Variants in DERA observed in about 807,000 individuals in gnomAD.
DERA encodes 2-deoxy-D-ribose 5-phosphate aldolase.
In DERA, 15 loss-of-function variants were observed where a neutral mutation model predicts 41.1. The ratio of observed to expected loss-of-function variants is 0.37; its 90% CI spans 0.24 to 0.56. The LOEUF (loss-of-function observed/expected upper bound fraction) is 0.56, where lower values mean the gene tolerates loss of function less well. Among genes scored for constraint, DERA ranks in the 20% least tolerant of loss-of-function variants. DERA has a pLI of 0.81. For missense variants in DERA, 396 were observed against 403.4 expected (o/e 0.98, Z 0.16); for synonymous variants, 139 against 137.4 (o/e 1.01, Z -0.08).
Position 15,925,453 on chromosome 12 carries a change from G to A in DERA, c.31+14039G>A, listed in dbSNP as rs1002834869. Among the ~76,000 whole-genome samples the A allele has an allele frequency of 5.3e-5, 8 of 151,770 alleles. No individual in the cohort carries two copies. The South Asian group carries it at 6.2e-4, about 12-fold the overall frequency. On this transcript the variant is annotated intron_variant, in intron 1 of 8. Coordinates refer to ENST00000428559, the MANE Select transcript of DERA (RefSeq NM_015954.4). ...TACCTATCTGTAAACTTTGGAGAAC[G>A]AATCAATGTGGCAGCTTTACTCTTT...
chr12:15,970,111 G>A lies in DERA; in HGVS notation c.508+7164G>A, dbSNP rs1259843781. Among the ~76,000 whole-genome samples the A allele has an allele frequency of 6.6e-6, 1 of 152,158 alleles. No individual in the cohort carries two copies. Among genetic ancestry groups the A allele is most frequent in the Non-Finnish European group, 1.5e-5 (1 of 68,008 alleles). Reference sequence around the variant, plus strand: ...ATTAGTTGCTTTGGTGGATGAAACTGTGTTCTTGAACATTTTGTGACTTTT... The same window carrying A: ...ATTAGTTGCTTTGGTGGATGAAACTATGTTCTTGAACATTTTGTGACTTTT... On this transcript the variant is annotated intron_variant, in intron 5 of 8. Coordinates refer to ENST00000428559, the MANE Select transcript of DERA (RefSeq NM_015954.4). This position sits in a 1 kb window ranked among gnomAD's most constrained non-coding sequence, Gnocchi z 4.3.
At chr12:15,997,335 C>A (rs1408581025) in intron 6 of DERA, among the ~76,000 whole-genome samples, 4 of 151,864 alleles carry the variant, frequency 2.6e-5, no homozygotes, top group Non-Finnish European at 4.4e-5. Context: ...TATTTGCAGG[C>A]TTCTAGGATT....
At chr12:15,926,886 T>C (rs1948290624) in intron 1 of DERA, among the ~76,000 whole-genome samples, 1 of 152,222 alleles carries the variant, frequency 6.6e-6, no homozygotes, top group African/African-American at 2.4e-5. Context: ...CCGTTATATG[T>C]AACGAATTAA....
Position 15,982,251 on chromosome 12 carries a change from C to T in DERA, c.509-57C>T, listed in dbSNP as rs900413398. The T allele has an allele frequency of 1.9e-6, 3 of 1,553,238 alleles. No individual in the cohort carries two copies. The African/African-American group carries it at 4.1e-5, about 21-fold the overall frequency. On this transcript the variant is annotated intron_variant, in intron 5 of 8. Coordinates refer to ENST00000428559, the MANE Select transcript of DERA (RefSeq NM_015954.4). The surrounding 1 kb of genome is among the most constrained non-coding windows in gnomAD (Gnocchi z 4.0). ...GGGTTCCACCAGCTCTAAACGGCTGCCAAGTTATGTTATCACTTGCCTGCT... is the reference window on the plus strand; with the variant it reads ...GGGTTCCACCAGCTCTAAACGGCTGTCAAGTTATGTTATCACTTGCCTGCT...
intron 1 of DERA, among the ~76,000 whole-genome samples, chr12:15,916,513 C>G (rs1385433023): frequency 6.7e-6 from 1 of 148,650 alleles, no homozygotes; most frequent in African/African-American, 2.5e-5. Flanking sequence ...TGCAGTGGCG[C>G]CATCTCGGCT....
chr12:16,020,301 C>T lies in DERA; in HGVS notation c.638-12241C>T, dbSNP rs974924162. ...GGAAGAAGAGAGAGGAGGGGAGGTG[C>T]TACACACTTTTAAACCACCAGATCT... On this transcript the variant is annotated intron_variant, in intron 6 of 8. Coordinates refer to ENST00000428559, the MANE Select transcript of DERA (RefSeq NM_015954.4). This position sits in a 1 kb window ranked among gnomAD's most constrained non-coding sequence, Gnocchi z 5.5. Among the ~76,000 whole-genome samples, 1 of 152,080 alleles carries T rather than the reference C, an allele frequency of 6.6e-6. No individual in the cohort carries two copies. The highest frequency in any genetic ancestry group is 1.5e-5 in the Non-Finnish European group (1 of 68,006).
intron 6 of DERA, among the ~76,000 whole-genome samples, chr12:16,029,656 G>A (rs1949077490): frequency 6.6e-6 from 1 of 151,982 alleles, no homozygotes; most frequent in African/African-American, 2.4e-5. Context: ...ATACAGAAGA[G>A]TATAAGAAAG....
Position 15,995,294 on chromosome 12 carries a change from A to G in DERA, c.637+12858A>G, listed in dbSNP as rs915147485. 6.6e-6 allele frequency among the ~76,000 whole-genome samples: 1 copy of G among 152,148 alleles called. No individual in the cohort carries two copies. The highest frequency in any genetic ancestry group is 1.5e-5 in the Non-Finnish European group (1 of 68,028). ...AATTTATAGGAGTTGGTGAACATGA[A>G]ATCAATATAAAAGAGAAAAATGACA... On this transcript the variant is annotated intron_variant, in intron 6 of 8. Coordinates refer to ENST00000428559, the MANE Select transcript of DERA (RefSeq NM_015954.4). The surrounding 1 kb of genome is among the most constrained non-coding windows in gnomAD (Gnocchi z 5.1).
At chr12:16,016,136 C>G (rs1159249513) in intron 6 of DERA, among the ~76,000 whole-genome samples, 2 of 152,120 alleles carry the variant, frequency 1.3e-5, no homozygotes, top group African/African-American at 4.8e-5. Flanking sequence ...GTATTAGTAT[C>G]AAATTGATAT....
In DERA at chr12:15,928,744, A is replaced by G. The variant is rs936891395; in HGVS notation, c.31+17330A>G. On this transcript the variant is annotated intron_variant, in intron 1 of 8. Coordinates refer to ENST00000428559, the MANE Select transcript of DERA (RefSeq NM_015954.4). This position sits in a 1 kb window ranked among gnomAD's most constrained non-coding sequence, Gnocchi z 4.6. ...AGTGTGAAAGCCTATTGGTGTAAAT[A>G]GCTTTTTCCTGGGAAAGGTAAGTTT... Among the ~76,000 whole-genome samples the G allele has an allele frequency of 5.7e-4, 87 of 152,234 alleles. 1 individual carries two copies. Among genetic ancestry groups the G allele is most frequent in the Admixed American group, 1.3e-4 (2 of 15,286 alleles).
At position 15,983,705 on chromosome 12, in the gene DERA, G is replaced by T. The variant is rs937101057; in HGVS notation, c.637+1269G>T. On this transcript the variant is annotated intron_variant, in intron 6 of 8. Coordinates refer to ENST00000428559, the MANE Select transcript of DERA (RefSeq NM_015954.4). The surrounding 1 kb of genome is among the most constrained non-coding windows in gnomAD (Gnocchi z 6.2). ...CTGGTTTCTCTGGTCTTGAATCTGG[G>T]CCAGCCATATTCTTGTGTACTTCTT... 6.6e-6 allele frequency among the ~76,000 whole-genome samples: 1 copy of T among 152,088 alleles called. No individual in the cohort carries two copies. Among genetic ancestry groups the T allele is most frequent in the Non-Finnish European group, 1.5e-5 (1 of 68,002 alleles).
rs1411928211 is a variant in DERA at position 15,992,571 on chromosome 12, A to G, written c.637+10135A>G. On this transcript the variant is annotated intron_variant, in intron 6 of 8. Coordinates refer to ENST00000428559, the MANE Select transcript of DERA (RefSeq NM_015954.4). This position sits in a 1 kb window ranked among gnomAD's most constrained non-coding sequence, Gnocchi z 4.3. ...TAAGGGAAGTACAAATACAGGAGGA[A>G]CTAAAGTAGGAGCAAACAATTTGAA... 6.6e-6 allele frequency among the ~76,000 whole-genome samples: 1 copy of G among 152,156 alleles called. No homozygotes were observed. Among genetic ancestry groups the G allele is most frequent in the African/African-American group, 2.4e-5 (1 of 41,436 alleles).
rs866605532 is a variant in DERA, at chr12:15,980,998, C to G, written c.509-1310C>G. On this transcript the variant is annotated intron_variant, in intron 5 of 8. Transcript: ENST00000428559. ...ATTTTAGCTTTAAGAAATGCTTACC[C>G]CAACCCTTATTATGAATGTTTCCCT... Among the ~76,000 whole-genome samples, 8 of 152,214 alleles carry G rather than the reference C, an allele frequency of 5.3e-5. No individual in the cohort carries two copies. The South Asian group carries it at 6.2e-4, about 12-fold the overall frequency.
intron 1 of DERA, among the ~76,000 whole-genome samples, chr12:15,923,168 GC>G (rs1317624300): frequency 2.7e-5 from 4 of 149,798 alleles, no homozygotes; most frequent in Non-Finnish European, 3.0e-5. Context: ...GACTACAGGC[GC>G]CCGCCACTAC....
intron 6 of DERA, among the ~76,000 whole-genome samples, chr12:15,997,529 C>T (rs968743647): frequency 1.3e-5 from 2 of 152,048 alleles, no homozygotes; most frequent in African/African-American, 4.8e-5. Flanking sequence ...AGTTAGGGGG[C>T]GTTCTTGAAA....
chr12:15,948,708 C>G (rs113756755), intron 1 of DERA, among the ~76,000 whole-genome samples: 2,841 of 152,314 alleles, frequency 0.019, 99 homozygotes, highest in African/African-American at 0.063. Flanking sequence ...TCGTCAAAGT[C>G]ATTCTCTGTC....
At chr12:16,018,813 A>T (rs1949000886) in intron 6 of DERA, among the ~76,000 whole-genome samples, 1 of 152,142 alleles carries the variant, frequency 6.6e-6, no homozygotes, top group African/African-American at 2.4e-5. Context: ...CTATAAATTT[A>T]TTATTAATTT....
chr12:15,936,959 C>CCTGTCCTGTCTTGTCCTGTCCCGTCCTGT lies in DERA; in HGVS notation c.32-19976_32-19975insTGTCCTGTCTTGTCCTGTCCCGTCCTGTC, dbSNP rs1565588788. On this transcript the variant is annotated intron_variant, in intron 1 of 8. Transcript: ENST00000428559. This position sits in a 1 kb window ranked among gnomAD's most constrained non-coding sequence, Gnocchi z 4.6. The stretch of plus-strand genomic sequence containing the variant: ...TCTTGTCCTGTCCCGTCCTGTCCTG[C>CCTGTCCTGTCTTGTCCTGTCCCGTCCTGT]CCTGCCCTGCCCTGTCTTGTCTTTC... 2.6e-4 allele frequency among the ~76,000 whole-genome samples: 36 copies of CCTGTCCTGTCTTGTCCTGTCCCGTCCTGT among 139,818 alleles called. No homozygotes were observed. Among genetic ancestry groups the CCTGTCCTGTCTTGTCCTGTCCCGTCCTGT allele is most frequent in the African/African-American group, 1.0e-3 (34 of 33,504 alleles). 91.7% of individuals were successfully genotyped at this position (139,818 alleles called of 152,430 possible).
chr12:15,911,790 A>G lies in DERA; in HGVS notation c.31+376A>G, dbSNP rs751817827. 12 of 514,004 alleles carry G rather than the reference A, an allele frequency of 2.3e-5. No homozygotes were observed. The highest frequency in any genetic ancestry group is 1.7e-4 in the South Asian group (11 of 65,104). The allele number at this position is 514,004 out of a possible 1,614,324, so 31.8% of individuals were successfully genotyped here. ...TAAAAACCTTCTTTCTCCTCCTTTTAATAGAATACTTGTGTAATTTAATGC... is the reference window on the plus strand; with the variant it reads ...TAAAAACCTTCTTTCTCCTCCTTTTGATAGAATACTTGTGTAATTTAATGC... On this transcript the variant is annotated intron_variant, in intron 1 of 8. Transcript: ENST00000428559. This position sits in a 1 kb window ranked among gnomAD's most constrained non-coding sequence, Gnocchi z 4.5.
Sources: gnomAD v4.1 joint callset for allele counts (sites outside exome capture counted in the v4.1 genomes callset) on GRCh38, gnomAD v4.1.1 for gene constraint, Gnocchi (gnomAD v3.1) non-coding constraint, MANE v1.5 for transcripts, NCBI Gene and HGNC (gene_info 2026-07-23, HGNC 2026-07-21) for gene names.